ASIC2: variants seen among roughly 807,000 people sequenced by gnomAD.
ASIC2 encodes acid sensing ion channel subunit 2, also known as acid-sensing ion channel 2.
A neutral mutation model predicts 57.3 loss-of-function variants in ASIC2; 25 were observed. The observed-to-expected ratio is 0.44, with a 90% CI of 0.32 to 0.61. The LOEUF is 0.61. Ranked by LOEUF, ASIC2 falls within the 20% of genes least tolerant of loss-of-function variation. The pLI, the probability that ASIC2 is intolerant of heterozygous loss-of-function variation, is 0.06. For missense variants in ASIC2, 641 were observed against 738.1 expected (o/e 0.87, Z 1.52); for synonymous variants, 319 against 307.5 (o/e 1.04, Z -0.39).
intron 1 of ASIC2, among the ~76,000 whole-genome samples, chr17:33,669,604 G>GTGT (rs1907583189): frequency 6.6e-6 from 1 of 152,166 alleles, no homozygotes; most frequent in Non-Finnish European, 1.5e-5. Flanking sequence ...TGACCAGCTT[G>GTGT]TGTTAACCCC....
intron 1 of ASIC2, among the ~76,000 whole-genome samples, chr17:33,377,291 T>G (rs1909314877): frequency 1.3e-5 from 2 of 152,340 alleles, no homozygotes; most frequent in South Asian, 2.1e-4. Context: ...CCTCAAGGGA[T>G]CCACCTGCCT....
intron 1 of ASIC2, among the ~76,000 whole-genome samples, chr17:33,604,900 C>T (rs1905191230): frequency 6.6e-6 from 1 of 152,112 alleles, no homozygotes; most frequent in African/African-American, 2.4e-5. Flanking sequence ...AGGATGTTTC[C>T]AAAGTCACAA....
intron 1 of ASIC2, among the ~76,000 whole-genome samples, chr17:34,087,688 A>G (rs561868656): frequency 2.8e-4 from 43 of 152,084 alleles, no homozygotes; most frequent in African/African-American, 1.0e-3. Context: ...AATCAGACGT[A>G]GATTTGGTCT....
intron 1 of ASIC2, among the ~76,000 whole-genome samples, chr17:33,851,593 TG>T (rs1209216781): frequency 2.0e-5 from 3 of 152,212 alleles, no homozygotes; most frequent in Non-Finnish European, 4.4e-5. Flanking sequence ...GGAAAGGATT[TG>T]TTTAAAGGTC....
At chr17:33,383,575 TTTGACACACGTGGATCAATTC>T (rs1909564799) in intron 1 of ASIC2, among the ~76,000 whole-genome samples, 1 of 152,314 alleles carries the variant, frequency 6.6e-6, no homozygotes, top group Admixed American at 6.5e-5. Flanking sequence ...TTTCTGTGAG[TTTGACACACGTGGATCAATTC>T]CTCCATGTCT....
chr17:33,843,195 C>A (rs930909062), intron 1 of ASIC2, among the ~76,000 whole-genome samples: 2 of 152,150 alleles, frequency 1.3e-5, no homozygotes, highest in Non-Finnish European at 2.9e-5. Context: ...CCCATGAGAA[C>A]AAGGACCTTA....
chr17:34,050,204 G>A (rs1043354002), intron 1 of ASIC2, among the ~76,000 whole-genome samples: 1 of 152,178 alleles, frequency 6.6e-6, no homozygotes. Context: ...TCTCTCATGA[G>A]ACAAGAGTTT....
intron 2 of ASIC2, 77 bp downstream of exon 2, chr17:33,111,840 A>G: frequency 6.5e-7 from 1 of 1,531,610 alleles, no homozygotes; most frequent in Non-Finnish European, 8.8e-7. Flanking sequence ...GTGGGCCAAG[A>G]CAGCTCACCA....
At chr17:33,498,000 C>G (rs1913989813) in intron 1 of ASIC2, among the ~76,000 whole-genome samples, 1 of 152,206 alleles carries the variant, frequency 6.6e-6, no homozygotes, top group African/African-American at 2.4e-5. Flanking sequence ...TCAGAGGAGG[C>G]CAGGCTCAAA....
At chr17:33,166,026 A>C (rs1905296029) in intron 1 of ASIC2, among the ~76,000 whole-genome samples, 2 of 152,208 alleles carry the variant, frequency 1.3e-5, no homozygotes, top group Admixed American at 1.3e-4. Flanking sequence ...TGTAGTGGAC[A>C]CTGTAATATC....
At chr17:34,155,352 G>A (rs1904675409) in intron 1 of ASIC2, among the ~76,000 whole-genome samples, 1 of 152,054 alleles carries the variant, frequency 6.6e-6, no homozygotes, top group Non-Finnish European at 1.5e-5. Context: ...GAGCCCTGGG[G>A]TGCCCGGCCT....
chr17:33,666,730 A>G (rs947502815), intron 1 of ASIC2, among the ~76,000 whole-genome samples: 2 of 152,150 alleles, frequency 1.3e-5, no homozygotes, highest in African/African-American at 4.8e-5. Flanking sequence ...CAGAAGGAGC[A>G]GAAACCATCC....
chr17:33,168,325 G>C (rs897690309), intron 1 of ASIC2, among the ~76,000 whole-genome samples: 1 of 152,218 alleles, frequency 6.6e-6, no homozygotes, highest in African/African-American at 2.4e-5. Context: ...CTTTGGAACT[G>C]AGTAATGGGT....
At chr17:34,076,171 T>A (rs143411743) in intron 1 of ASIC2, among the ~76,000 whole-genome samples, 1 of 151,878 alleles carries the variant, frequency 6.6e-6, no homozygotes, top group Non-Finnish European at 1.5e-5. Flanking sequence ...CCTGGCTAAT[T>A]TTTTCGTATT....
intron 3 of ASIC2, among the ~76,000 whole-genome samples, chr17:33,053,385 T>C (rs1044857497): frequency 1.1e-4 from 17 of 152,278 alleles, no homozygotes; most frequent in African/African-American, 3.8e-4. Flanking sequence ...CCTGAAAAAT[T>C]ATTCTTTTTG....
chr17:33,698,769 G>A (rs1377514565), intron 1 of ASIC2, among the ~76,000 whole-genome samples: 1 of 152,100 alleles, frequency 6.6e-6, no homozygotes, highest in African/African-American at 2.4e-5. Context: ...CGAGGCTGCG[G>A]TATGGTGAGG....
chr17:33,669,804 T>C (rs1907588974), intron 1 of ASIC2, among the ~76,000 whole-genome samples: 1 of 152,218 alleles, frequency 6.6e-6, no homozygotes, highest in African/African-American at 2.4e-5. Flanking sequence ...GTTTTGTTTG[T>C]TCATTGTGTT....
intron 1 of ASIC2, among the ~76,000 whole-genome samples, chr17:34,124,019 T>C (rs1183240876): frequency 6.6e-6 from 1 of 152,090 alleles, no homozygotes; most frequent in Non-Finnish European, 1.5e-5. Flanking sequence ...GAGGTGGAGG[T>C]TGCATGAGCC....
intron 2 of ASIC2, among the ~76,000 whole-genome samples, chr17:33,101,762 C>T (rs1204760726): frequency 1.3e-5 from 2 of 152,104 alleles, no homozygotes; most frequent in Non-Finnish European, 2.9e-5. Context: ...TTTACATAAC[C>T]ATGACTCTGT....
Sources: gnomAD v4.1 joint callset for allele counts (sites outside exome capture counted in the v4.1 genomes callset) on GRCh38, gnomAD v4.1.1 for gene constraint, MANE v1.5 for transcripts, NCBI Gene and HGNC (gene_info 2026-07-23, HGNC 2026-07-21) for gene names.